Variants in CCDC40 observed in about 807,000 individuals in gnomAD.
The protein encoded by CCDC40 is coiled-coil domain 40 molecular ruler complex subunit.
Under a neutral mutation model 124.5 loss-of-function variants are expected in CCDC40, and 104 were observed. The ratio of observed to expected loss-of-function variants is 0.84; its 90% CI spans 0.71 to 0.98. CCDC40 has a LOEUF of 0.98. Among genes scored for constraint, CCDC40 ranks in the 50% least tolerant of loss-of-function variants. CCDC40 has a pLI of 0.00. For synonymous variants in CCDC40, 580 were observed against 602.9 expected (o/e 0.96, Z 0.56); for missense variants, 1,463 against 1,503.9 (o/e 0.97, Z 0.45).
At position 80,058,779 on chromosome 17, in the gene CCDC40, T is replaced by G. The variant is rs1390539369; in HGVS notation, c.1318-79T>G. ...GGCGGCCGGCCTGGGTGGCGTCAAC[T>G]TGTATCAAGGGTTGGTGGAGAACAG... On this transcript the variant is annotated intron_variant, in intron 8 of 19. Coordinates refer to ENST00000397545, the MANE Select transcript of CCDC40 (RefSeq NM_017950.4). The surrounding 1 kb of genome is among the most constrained non-coding windows in gnomAD (Gnocchi z 4.2). 6.2e-7 allele frequency: 1 copy of G among 1,610,872 alleles called. No homozygotes were observed. Among genetic ancestry groups the G allele is most frequent in the Non-Finnish European group, 8.5e-7 (1 of 1,177,594 alleles).
chr17:80,049,147 C>T (rs2037510823), intron 5 of CCDC40, among the ~76,000 whole-genome samples: 1 of 151,944 alleles, frequency 6.6e-6, no homozygotes, highest in South Asian at 2.1e-4. Context: ...GTAATCCCAG[C>T]ACTTTGGGAG....
chr17:80,037,688 A>ATATATATATAT (rs1555889124), intron 1 of CCDC40, among the ~76,000 whole-genome samples: 1,623 of 45,410 alleles, frequency 0.036, 47 homozygotes, highest in Middle Eastern at 0.097. Flanking sequence ...TTTTTTAAAA[A>ATATATATATAT]AGATATACAT....
chr17:80,081,990 ACCT>A lies in CCDC40; in HGVS notation c.1924_1926del (p.Ser642del), dbSNP rs750295453. The A allele has an allele frequency of 2.2e-5, 35 of 1,613,724 alleles. 1 individual carries two copies. The Admixed American group carries it at 2.8e-4, about 13-fold the overall frequency. ...CCGGGAGAAGCTGCAGGAGCACATG[ACCT>A]CCAACAAGACCACCAAATACTTCAA... is the stretch of plus-strand genomic sequence containing the variant. On this transcript the variant is annotated inframe_deletion, in exon 12 of 20. Transcript: ENST00000397545.
intron 10 of CCDC40, chr17:80,067,512 C>T: frequency 7.6e-7 from 1 of 1,318,544 alleles, no homozygotes; most frequent in Non-Finnish European, 1.1e-6. Flanking sequence ...CAGCGTGTCC[C>T]TAGAGCGCTT....
rs971146458 is a variant in CCDC40 at position 80,086,350 on chromosome 17, G to A, written c.2449+134G>A. 8.3e-6 allele frequency: 6 copies of A among 726,522 alleles called. No individual in the cohort carries two copies. The highest frequency in any genetic ancestry group is 2.1e-5 in the Admixed American group (1 of 46,630). The allele number at this position is 726,522 out of a possible 1,614,324, so 45.0% of individuals were successfully genotyped here. On this transcript the variant is annotated intron_variant, in intron 14 of 19. Coordinates refer to ENST00000397545, the MANE Select transcript of CCDC40 (RefSeq NM_017950.4). The surrounding 1 kb of genome is among the most constrained non-coding windows in gnomAD (Gnocchi z 5.5). ...AGCCTTAAAAGCAAATAACAAACGC[G>A]CATGCTCCCTGTATTTTGTAAATGT...
chr17:80,067,324 A>G (rs909339875), intron 10 of CCDC40: 5 of 581,290 alleles, frequency 8.6e-6, no homozygotes, highest in Admixed American at 6.1e-5. Flanking sequence ...CTCGGCCCGC[A>G]GTCACTAGAA....
rs1162753595 is a variant in CCDC40 at position 80,037,224 on chromosome 17, G to T, written c.29+533G>T. On this transcript the variant is annotated intron_variant, in intron 1 of 19. Coordinates refer to ENST00000397545, the MANE Select transcript of CCDC40 (RefSeq NM_017950.4). Reference sequence around the variant, plus strand: ...GGGTCCCTGCGGTTAGGCGGCCCGCGATAGTCCGCGGTCACCGTCCTGGGG... The same window carrying T: ...GGGTCCCTGCGGTTAGGCGGCCCGCTATAGTCCGCGGTCACCGTCCTGGGG... 2.6e-5 allele frequency among the ~76,000 whole-genome samples: 4 copies of T among 152,302 alleles called. No individual in the cohort carries two copies. The South Asian group carries it at 8.3e-4, about 32-fold the overall frequency.
At chr17:80,048,209 G>C (rs906146565) in intron 4 of CCDC40, among the ~76,000 whole-genome samples, 3 of 152,146 alleles carry the variant, frequency 2.0e-5, no homozygotes, top group Non-Finnish European at 4.4e-5. Context: ...GCAGTGAGCC[G>C]AGATCACGCC....
At chr17:80,042,992 A>G (rs778459747) in intron 3 of CCDC40, among the ~76,000 whole-genome samples, 3 of 152,102 alleles carry the variant, frequency 2.0e-5, no homozygotes, top group Non-Finnish European at 4.4e-5. Context: ...TCAGATGTTC[A>G]AGCAACCCCG....
intron 10 of CCDC40, among the ~76,000 whole-genome samples, chr17:80,080,224 G>T (rs2038416565): frequency 6.6e-6 from 1 of 151,770 alleles, no homozygotes; most frequent in Admixed American, 6.6e-5. Flanking sequence ...AGGAATGAAA[G>T]GAATGTTTAA....
intron 10 of CCDC40, among the ~76,000 whole-genome samples, chr17:80,076,292 G>A (rs567581115): frequency 2.6e-5 from 4 of 152,216 alleles, no homozygotes; most frequent in East Asian, 3.9e-4. Flanking sequence ...TAAGATTGCC[G>A]TCCAGGTGGG....
chr17:80,084,996 C>A lies in CCDC40; in HGVS notation c.2235+8C>A. The A allele has an allele frequency of 6.2e-7, 1 of 1,613,196 alleles. No homozygotes were observed. The highest frequency in any genetic ancestry group is 1.1e-5 in the South Asian group (1 of 90,986). ...ATGGTCTCCGAGCTGGGGGTGAGGT[C>A]CCAGGCAGGGAGACGTGGTCCCCGG... On this transcript the variant is annotated splice_region_variant and intron_variant, in intron 13 of 19. Transcript: ENST00000397545.
intron 3 of CCDC40, chr17:80,040,678 CAA>C (rs34476860): frequency 0.13 from 16,974 of 129,822 alleles, 1,102 homozygotes; most frequent in East Asian, 0.28. Flanking sequence ...GACCTTGTCT[CAA>C]AAAAAAAAAA....
In CCDC40 at chr17:80,050,084, C is replaced by T; in HGVS notation, c.960C>T (p.Ser320=). The T allele has an allele frequency of 6.2e-7, 1 of 1,614,074 alleles. No homozygotes were observed. The highest frequency in any genetic ancestry group is 2.2e-5 in the East Asian group (1 of 44,868). ...LQELVVATKQ[S]RAQRQELGVN... is the part of the protein sequence containing the mutation. ...TCCAGGTTGTGGCTACCAAGCAGAGCCGAGCCCAGCGGCAGGAGCTGGGGG... is the reference window on the plus strand; with the variant it reads ...TCCAGGTTGTGGCTACCAAGCAGAGTCGAGCCCAGCGGCAGGAGCTGGGGG... Residue 320 remains serine (S), a synonymous_variant, in exon 7 of 20, where the codon AGC becomes AGT. Coordinates refer to ENST00000397545, the MANE Select transcript of CCDC40 (RefSeq NM_017950.4).
At chr17:80,042,827 C>G (rs560121639) in intron 3 of CCDC40, among the ~76,000 whole-genome samples, 2 of 150,092 alleles carry the variant, frequency 1.3e-5, no homozygotes, top group East Asian at 3.9e-4. Context: ...AAGGAAGTTC[C>G]CTTGTATTCT....
At chr17:80,049,704 C>A (rs1598487451) in intron 5 of CCDC40, among the ~76,000 whole-genome samples, 1 of 152,154 alleles carries the variant, frequency 6.6e-6, no homozygotes, top group East Asian at 1.9e-4. Context: ...ACTCAGTTCT[C>A]TGCAAGTGCC....
rs751751403 is a variant in CCDC40, at chr17:80,050,074, C to G, written c.950C>G (p.Thr317Ser). 1 of 1,613,470 alleles carries G rather than the reference C, an allele frequency of 6.2e-7. No homozygotes were observed. ...CTCTCTTTGGTCCAGGTTGTGGCTA[C>G]CAAGCAGAGCCGAGCCCAGCGGCAG... ...KLDLQELVVA[T>S]KQSRAQRQEL... The change falls in exon 7 of 20, where the codon ACC becomes AGC. Residue 317 changes from threonine (T) to serine (S), a missense_variant. Coordinates refer to ENST00000397545, the MANE Select transcript of CCDC40 (RefSeq NM_017950.4).
chr17:80,045,721 C>T (rs1053300945), intron 3 of CCDC40, among the ~76,000 whole-genome samples: 2 of 151,368 alleles, frequency 1.3e-5, no homozygotes, highest in Non-Finnish European at 2.9e-5. Context: ...ACAACAACTA[C>T]AAAAAACGCT....
Position 80,039,954 on chromosome 17 carries a change from G to A in CCDC40, c.236G>A (p.Gly79Glu). Residue 79 changes from glycine to glutamate, a missense_variant, in exon 3 of 20, where the codon GGG becomes GAG. By Grantham distance (98) the Gly-to-Glu change is moderately conservative. Coordinates refer to ENST00000397545, the MANE Select transcript of CCDC40 (RefSeq NM_017950.4). The part of the protein sequence containing the change: ...VETEGEAAVE[G>E]EEEAVSYGDA... Reference sequence around the variant, plus strand: ...ACAGAAGGGGAAGCAGCAGTGGAAGGGGAAGAGGAGGCTGTGTCCTATGGA... The same window carrying A: ...ACAGAAGGGGAAGCAGCAGTGGAAGAGGAAGAGGAGGCTGTGTCCTATGGA... The A allele has an allele frequency of 6.2e-7, 1 of 1,613,746 alleles. No individual in the cohort carries two copies. Among genetic ancestry groups the A allele is most frequent in the Non-Finnish European group, 8.5e-7 (1 of 1,179,724 alleles).
Sources: allele counts gnomAD v4.1 joint callset (sites outside exome capture counted in the v4.1 genomes callset), GRCh38; gene constraint gnomAD v4.1.1; non-coding constraint Gnocchi (gnomAD v3.1); transcripts MANE v1.5; gene names NCBI Gene and HGNC (gene_info 2026-07-23, HGNC 2026-07-21).